The following CCND1 variants were observed in gnomAD, a reference collection of about 807,000 sequenced individuals.
CCND1 encodes the protein cyclin D1, also known as G1/S-specific cyclin-D1.
Under a neutral mutation model 26.1 loss-of-function variants are expected in CCND1, and 9 were observed. The observed-to-expected ratio is 0.35, with a 90% CI of 0.21 to 0.60. CCND1 has a LOEUF of 0.60. Ranked by LOEUF, CCND1 falls within the 20% of genes least tolerant of loss-of-function variation. The probability of loss-of-function intolerance (pLI) is 0.79; values close to 1 mark genes in which losing one functional copy is unlikely to be tolerated. For missense variants in CCND1, 335 were observed against 392.9 expected, an observed-to-expected ratio of 0.85 and a Z score of 1.25; for synonymous variants, 194 against 166.1, an observed-to-expected ratio of 1.17 and a Z score of -1.29.
rs1168483993 is a variant in CCND1, at chr11:69,651,248, G to T, written c.854G>T (p.Cys285Phe). The change falls in exon 5 of 5, where the codon TGC becomes TTC. Residue 285 changes from cysteine to phenylalanine, a missense_variant. By Grantham distance (205) the Cys-to-Phe change is radical. Coordinates refer to ENST00000227507, the MANE Select transcript of CCND1 (RefSeq NM_053056.3). ...GAGGAGGAGGAGGTGGACCTGGCTT[G>T]CACACCCACCGACGTGCGGGACGTG... ...EEEEEEVDLACTPTDVRDVDI is the reference protein window; with the variant it reads ...EEEEEEVDLAFTPTDVRDVDI The T allele has an allele frequency of 1.3e-6, 2 of 1,582,968 alleles. No homozygotes were observed. Among genetic ancestry groups the T allele is most frequent in the Non-Finnish European group, 1.7e-6 (2 of 1,162,140 alleles).
In CCND1 at chr11:69,648,018, C is replaced by T. The variant is rs2120108745; in HGVS notation, c.599C>T (p.Pro200Leu). The part of the protein sequence containing the change: ...ATDVKFISNP[P>L]SMVAAGSVVA... ...GATGTGAAGTTCATTTCCAATCCGCCCTCCATGGTGGCAGCGGGGAGCGTG... is the reference window on the plus strand; with the variant it reads ...GATGTGAAGTTCATTTCCAATCCGCTCTCCATGGTGGCAGCGGGGAGCGTG... Residue 200 changes from proline (P) to leucine (L), a missense_variant, in exon 4 of 5, where the codon CCC (proline) becomes CTC (leucine). Pro to Leu is a moderately conservative substitution (Grantham distance 98, BLOSUM62 -3). Transcript: ENST00000227507. 1 of 1,613,994 alleles carries T rather than the reference C, an allele frequency of 6.2e-7. No homozygotes were observed. The highest frequency in any genetic ancestry group is 8.5e-7 in the Non-Finnish European group (1 of 1,180,018).
intron 2 of CCND1, 140 bp from the exon 3 acceptor site, chr11:69,643,692 A>G (rs941812036): frequency 5.5e-5 from 39 of 714,852 alleles, no homozygotes; most frequent in Non-Finnish European, 4.7e-5. Context: ...CTCCCCTCCA[A>G]CATCCAGGAC....
rs1320057753 is a variant in CCND1 at position 69,651,255 on chromosome 11, C to T, written c.861C>T (p.Pro287=). The T allele has an allele frequency of 6.4e-7, 1 of 1,567,584 alleles. No individual in the cohort carries two copies. The highest frequency in any genetic ancestry group is 8.7e-7 in the Non-Finnish European group (1 of 1,153,828). Residue 287 remains proline (P), a synonymous_variant, in exon 5 of 5, where the codon CCC becomes CCT. Coordinates refer to ENST00000227507, the MANE Select transcript of CCND1 (RefSeq NM_053056.3). Reference sequence around the variant, plus strand: ...AGGAGGTGGACCTGGCTTGCACACCCACCGACGTGCGGGACGTGGACATCT... The same window carrying T: ...AGGAGGTGGACCTGGCTTGCACACCTACCGACGTGCGGGACGTGGACATCT... ...EEEEVDLACT[P]TDVRDVDI
intron 4 of CCND1, among the ~76,000 whole-genome samples, chr11:69,650,904 G>A (rs1855845548): frequency 2.0e-5 from 3 of 152,162 alleles, no homozygotes. Context: ...CCAGGTGGGA[G>A]GTGGAGGCAT....
intron 3 of CCND1, among the ~76,000 whole-genome samples, 192 bp from the exon 4 acceptor site, chr11:69,647,802 A>G (rs1302860038): frequency 6.6e-6 from 1 of 152,170 alleles, no homozygotes; most frequent in Non-Finnish European, 1.5e-5. Flanking sequence ...TCCGTGGGCC[A>G]GGCTCTTGCT....
intron 4 of CCND1, among the ~76,000 whole-genome samples, chr11:69,649,573 A>C (rs1172085653): frequency 6.6e-6 from 1 of 152,252 alleles, no homozygotes; most frequent in Non-Finnish European, 1.5e-5. Flanking sequence ...TGGAATGTCC[A>C]TCTGTGCAAA....
At position 69,653,151 on chromosome 11, in the gene CCND1, G is replaced by A; in HGVS notation, c.*1869G>A. The A allele has an allele frequency of 1.7e-6, 1 of 604,454 alleles. No individual in the cohort carries two copies. 37.4% of individuals were successfully genotyped at this position (604,454 alleles called of 1,614,324 possible). On this transcript the variant is annotated 3_prime_UTR_variant, in exon 5 of 5. Transcript: ENST00000227507. ...AGTGTGGAGGCTGACGTGTGAGGGAGGACAGGCGGGAGGAGGTGTGAGGAG... is the reference window on the plus strand; with the variant it reads ...AGTGTGGAGGCTGACGTGTGAGGGAAGACAGGCGGGAGGAGGTGTGAGGAG...
rs1417687689 is a variant in CCND1, at chr11:69,641,282, C to G, written c.-32C>G. On this transcript the variant is annotated 5_prime_UTR_variant, in exon 1 of 5. Transcript: ENST00000227507. ...GCGCGGACCCAGCCAGGACCCACAGCCCTCCCCAGCTGCCCAGGAAGAGCC... is the reference window on the plus strand; with the variant it reads ...GCGCGGACCCAGCCAGGACCCACAGGCCTCCCCAGCTGCCCAGGAAGAGCC... 6.3e-7 allele frequency: 1 copy of G among 1,597,642 alleles called. No individual in the cohort carries two copies. The highest frequency in any genetic ancestry group is 8.5e-7 in the Non-Finnish European group (1 of 1,172,792).
intron 3 of CCND1, among the ~76,000 whole-genome samples, chr11:69,646,941 C>G (rs1301012556): frequency 6.6e-6 from 1 of 152,202 alleles, no homozygotes; most frequent in African/African-American, 2.4e-5. Context: ...GAGTTTTGTG[C>G]AGACCACAAA....
Position 69,654,363 on chromosome 11 carries a change from C to T in CCND1, c.*3081C>T. 1.4e-6 allele frequency: 1 copy of T among 702,346 alleles called. No individual in the cohort carries two copies. Among genetic ancestry groups the T allele is most frequent in the South Asian group, 1.5e-5 (1 of 67,586 alleles). The allele number at this position is 702,346 out of a possible 1,614,324, so 43.5% of individuals were successfully genotyped here. ...TGGGCGGCGGGCGGCTGGGTCTGTG[C>T]ATTTCTGGTTGCACCGCGGCGCTTC... On this transcript the variant is annotated 3_prime_UTR_variant, in exon 5 of 5. Coordinates refer to ENST00000227507, the MANE Select transcript of CCND1 (RefSeq NM_053056.3). The surrounding 1 kb of genome is among the most constrained non-coding windows in gnomAD (Gnocchi z 6.3).
chr11:69,653,906 A>G lies in CCND1; in HGVS notation c.*2624A>G. The G allele has an allele frequency of 7.8e-6, 4 of 512,666 alleles. No individual in the cohort carries two copies. The highest frequency in any genetic ancestry group is 1.4e-5 in the Non-Finnish European group (4 of 287,300). 31.8% of individuals were successfully genotyped at this position (512,666 alleles called of 1,614,324 possible). ...GGGTATGTTTAATCTGTTATGTACTAGTGTTCTGTTTGTTATTGTTTTGTT... is the reference window on the plus strand; with the variant it reads ...GGGTATGTTTAATCTGTTATGTACTGGTGTTCTGTTTGTTATTGTTTTGTT... On this transcript the variant is annotated 3_prime_UTR_variant, in exon 5 of 5. Coordinates refer to ENST00000227507, the MANE Select transcript of CCND1 (RefSeq NM_053056.3).
Position 69,651,138 on chromosome 11 carries a change from G to A in CCND1, c.744G>A (p.Gln248=), listed in dbSNP as rs1181031465. 6.2e-7 allele frequency: 1 copy of A among 1,613,286 alleles called. No homozygotes were observed. The highest frequency in any genetic ancestry group is 8.5e-7 in the Non-Finnish European group (1 of 1,179,594). ...CTCAGGACTGCCTCCGGGCCTGCCA[G>A]GAGCAGATCGAAGCCCTGCTGGAGT... ...KCDPDCLRAC[Q]EQIEALLESS... is the part of the protein sequence containing the mutation. Residue 248 remains glutamine (Q), a synonymous_variant, in exon 5 of 5, where the codon CAG becomes CAA. Transcript: ENST00000227507.
At chr11:69,645,783 A>T (rs926211800) in intron 3 of CCND1, among the ~76,000 whole-genome samples, 5 of 152,190 alleles carry the variant, frequency 3.3e-5, no homozygotes, top group Admixed American at 2.0e-4. Flanking sequence ...CAAAGGTTAC[A>T]TTTAAAGGTG....
At position 69,641,259 on chromosome 11, in the gene CCND1, G is replaced by C; in HGVS notation, c.-55G>C. On this transcript the variant is annotated 5_prime_UTR_variant, in exon 1 of 5. Coordinates refer to ENST00000227507, the MANE Select transcript of CCND1 (RefSeq NM_053056.3). ...GGGGCAGCAGAAGCGAGAGCCGAGC[G>C]CGGACCCAGCCAGGACCCACAGCCC... 2 of 1,532,164 alleles carry C rather than the reference G, an allele frequency of 1.3e-6. No individual in the cohort carries two copies. The highest frequency in any genetic ancestry group is 1.8e-6 in the Non-Finnish European group (2 of 1,118,100). The allele number at this position is 1,532,164 out of a possible 1,614,324, so 94.9% of individuals were successfully genotyped here. A position where few individuals can be genotyped will look rare whatever the true frequency, so the allele number is the denominator to read the frequency against.
At chr11:69,647,864 C>T in intron 3 of CCND1, 130 bp from the exon 4 acceptor site, 1 of 1,019,486 alleles carries the variant, frequency 9.8e-7, no homozygotes, top group South Asian at 1.6e-5. Flanking sequence ...GATGTGGAGC[C>T]TCAGATACCG....
intron 3 of CCND1, among the ~76,000 whole-genome samples, chr11:69,645,689 T>TA (rs1855769147): frequency 6.6e-6 from 1 of 152,192 alleles, no homozygotes; most frequent in Non-Finnish European, 1.5e-5. Flanking sequence ...AAGAGTGACT[T>TA]ACGGCTGCTT....
Position 69,653,652 on chromosome 11 carries a change from G to A in CCND1, c.*2370G>A. ...CCGGTGTCCCCAGAGACCAGGCTGTGTCCCTCTTCTCTTCCCTGCGCCTGT... is the reference window on the plus strand; with the variant it reads ...CCGGTGTCCCCAGAGACCAGGCTGTATCCCTCTTCTCTTCCCTGCGCCTGT... On this transcript the variant is annotated 3_prime_UTR_variant, in exon 5 of 5. Coordinates refer to ENST00000227507, the MANE Select transcript of CCND1 (RefSeq NM_053056.3). 2.6e-6 allele frequency: 1 copy of A among 389,744 alleles called. No individual in the cohort carries two copies. Among genetic ancestry groups the A allele is most frequent in the South Asian group, 4.3e-5 (1 of 23,456 alleles). The allele number at this position is 389,744 out of a possible 1,614,324, so 24.1% of individuals were successfully genotyped here.
At position 69,644,308 on chromosome 11, in the gene CCND1, G is replaced by A. The variant is rs915523691; in HGVS notation, c.574+317G>A. 1.8e-5 allele frequency: 7 copies of A among 383,440 alleles called. 1 individual carries two copies. In the Admixed American group the frequency reaches 2.0e-4, roughly 11 times the overall value. The allele number at this position is 383,440 out of a possible 1,614,324, so 23.8% of individuals were successfully genotyped here. A position where few individuals can be genotyped will look rare whatever the true frequency, so the allele number is the denominator to read the frequency against. On this transcript the variant is annotated intron_variant, in intron 3 of 4. Transcript: ENST00000227507. ...GCCTGTGGCCACTCCATGCTGAAAG[G>A]GGTTTACCTTGGCCACAGGGCCGCC...
At chr11:69,641,578 G>T in intron 1 of CCND1, 67 bp downstream of exon 1, 1 of 1,440,402 alleles carries the variant, frequency 6.9e-7, no homozygotes, top group Non-Finnish European at 9.7e-7. Flanking sequence ...ACGTTTCTTT[G>T]CTACTCACCC....
Sources: allele counts gnomAD v4.1 joint callset (sites outside exome capture counted in the v4.1 genomes callset), GRCh38; gene constraint gnomAD v4.1.1; non-coding constraint Gnocchi (gnomAD v3.1); transcripts MANE v1.5; gene names NCBI Gene and HGNC (gene_info 2026-07-23, HGNC 2026-07-21).